The following DCAF8L2 variants were observed in gnomAD, a reference collection of about 807,000 sequenced individuals.
The protein encoded by DCAF8L2 is DDB1- and CUL4-associated factor 8-like protein 2.
For missense variants in DCAF8L2, 430 were observed against 490.7 expected, an observed-to-expected ratio of 0.88 and a Z score of 1.17; for synonymous variants, 200 against 190.9, an observed-to-expected ratio of 1.05 and a Z score of -0.39.
At chrX:27,473,832 G>A in the DCAF8L2 span, among the ~76,000 whole-genome samples, 1 of 111,067 alleles carries the variant, frequency 9.0e-6, no homozygotes, top group African/African-American at 3.3e-5. Context: ...ATATTAGCCT[G>A]CTTTTCATTT....
intron 2 of DCAF8L2, among the ~76,000 whole-genome samples, chrX:27,661,271 G>T (rs890041869): frequency 8.9e-6 from 1 of 112,143 alleles, no homozygotes; most frequent in African/African-American, 3.2e-5. Context: ...TGAGGAGTTT[G>T]TTGGCTTTGA....
intron 4 of DCAF8L2, among the ~76,000 whole-genome samples, chrX:27,736,227 C>G (rs779628886): frequency 9.0e-6 from 1 of 111,434 alleles, no homozygotes; most frequent in Non-Finnish European, 1.9e-5. Context: ...TAGCCCTTAT[C>G]TATCAAGCAG....
At chrX:27,645,580 A>G (rs756534912) in intron 2 of DCAF8L2, among the ~76,000 whole-genome samples, 3 of 111,993 alleles carry the variant, frequency 2.7e-5, no homozygotes, top group African/African-American at 9.7e-5. Context: ...ATCACTCAAA[A>G]GAAATAAATA....
At chrX:27,535,420 C>T in the DCAF8L2 span, among the ~76,000 whole-genome samples, 1 of 111,743 alleles carries the variant, frequency 8.9e-6, no homozygotes, top group African/African-American at 3.3e-5. Flanking sequence ...CCATTTACTG[C>T]CACTGTCACC....
chrX:27,676,118 C>A (rs1930131325), intron 2 of DCAF8L2, among the ~76,000 whole-genome samples: 1 of 111,499 alleles, frequency 9.0e-6, no homozygotes, highest in African/African-American at 3.3e-5. Context: ...AAGCCCAGAG[C>A]AATCAGTCCT....
chrX:27,513,663 C>A, the DCAF8L2 span, among the ~76,000 whole-genome samples: 2 of 106,436 alleles, frequency 1.9e-5, no homozygotes, highest in African/African-American at 6.9e-5. Context: ...TGAGATCACA[C>A]CACTGCACTA....
chrX:27,499,860 A>G, the DCAF8L2 span, among the ~76,000 whole-genome samples: 1 of 110,685 alleles, frequency 9.0e-6, no homozygotes, highest in Non-Finnish European at 1.9e-5. Context: ...GGGCCAAACC[A>G]TATCAATCCC....
At chrX:27,476,009 A>G in the DCAF8L2 span, among the ~76,000 whole-genome samples, 1 of 111,340 alleles carries the variant, frequency 9.0e-6, no homozygotes, top group Admixed American at 9.6e-5. Context: ...GGGACAACCT[A>G]AACATATCAG....
At chrX:27,651,835 C>T (rs886969065) in intron 2 of DCAF8L2, among the ~76,000 whole-genome samples, 1 of 110,567 alleles carries the variant, frequency 9.0e-6, no homozygotes, top group Non-Finnish European at 1.9e-5. Flanking sequence ...TATATTAATA[C>T]GATCTTCTAG....
chrX:27,477,857 TCTTAAA>T, the DCAF8L2 span, among the ~76,000 whole-genome samples: 2 of 111,849 alleles, frequency 1.8e-5, no homozygotes, highest in Admixed American at 1.9e-4. Flanking sequence ...TTGTTCTTCA[TCTTAAA>T]CTTCAAGTAA....
the DCAF8L2 span, among the ~76,000 whole-genome samples, chrX:27,489,438 C>T: frequency 8.9e-6 from 1 of 112,678 alleles, no homozygotes; most frequent in African/African-American, 3.2e-5. Flanking sequence ...ATGTGTAGAG[C>T]TGCTCAATTC....
At chrX:27,706,426 A>G (rs1263358624) in intron 3 of DCAF8L2, among the ~76,000 whole-genome samples, 2 of 111,092 alleles carry the variant, frequency 1.8e-5, no homozygotes, top group East Asian at 5.7e-4. Context: ...TTTTAACATT[A>G]TTGATTCTTC....
At chrX:27,504,935 A>C in the DCAF8L2 span, among the ~76,000 whole-genome samples, 1 of 111,122 alleles carries the variant, frequency 9.0e-6, no homozygotes, top group South Asian at 3.8e-4. Context: ...TTCTGGCAGA[A>C]CTTTTTCCTG....
chrX:27,680,989 G>T (rs1303233027), intron 3 of DCAF8L2, among the ~76,000 whole-genome samples: 1 of 111,685 alleles, frequency 9.0e-6, no homozygotes, highest in African/African-American at 3.3e-5. Context: ...TTGGACTGAA[G>T]ATAATGCTAG....
intron 2 of DCAF8L2, among the ~76,000 whole-genome samples, chrX:27,646,996 T>G (rs777761001): frequency 4.9e-4 from 55 of 111,998 alleles, no homozygotes; most frequent in African/African-American, 1.6e-3. Flanking sequence ...TGGAAGACAG[T>G]GTGGTGACTC....
At chrX:27,614,580 T>G (rs180751506) in intron 1 of DCAF8L2, among the ~76,000 whole-genome samples, 6,484 of 109,420 alleles carry the variant, frequency 0.059, 456 homozygotes, top group African/African-American at 0.2. Context: ...GCTTTCTCTT[T>G]TGGGCATTTA....
At chrX:27,479,197 C>T in the DCAF8L2 span, among the ~76,000 whole-genome samples, 3 of 110,935 alleles carry the variant, frequency 2.7e-5, no homozygotes, top group Non-Finnish European at 5.7e-5. Flanking sequence ...CTCTGGCCAG[C>T]AGCCAACAAG....
At chrX:27,557,491 A>G in the DCAF8L2 span, among the ~76,000 whole-genome samples, 1 of 112,128 alleles carries the variant, frequency 8.9e-6, no homozygotes, top group Non-Finnish European at 1.9e-5. Flanking sequence ...AATAGCTATT[A>G]AATTTATTGT....
chrX:27,527,004 C>G, the DCAF8L2 span, among the ~76,000 whole-genome samples: 1 of 112,235 alleles, frequency 8.9e-6, no homozygotes, highest in Non-Finnish European at 1.9e-5. Context: ...TTTGTCTGTT[C>G]TCAGATCTCA....
Sources: gnomAD v4.1 joint callset for allele counts (sites outside exome capture counted in the v4.1 genomes callset) on GRCh38, gnomAD v4.1.1 for gene constraint, MANE v1.5 for transcripts, NCBI Gene and HGNC (gene_info 2026-07-23, HGNC 2026-07-21) for gene names.